COL4A3: variants seen among roughly 807,000 people sequenced by gnomAD.
COL4A3 encodes the protein collagen type IV alpha 3 chain, also known as collagen alpha-3(IV) chain.
In COL4A3, 135 loss-of-function variants were observed where a neutral mutation model predicts 217.4. The observed-to-expected ratio is 0.62, with a 90% CI of 0.54 to 0.72. The LOEUF is 0.72. Ranked by LOEUF, COL4A3 falls within the 30% of genes least tolerant of loss-of-function variation. The probability of loss-of-function intolerance (pLI) is 0.00; values close to 1 mark genes in which losing one functional copy is unlikely to be tolerated. For missense variants in COL4A3, 1,868 were observed against 2,119.9 expected (o/e 0.88, Z 2.33); for synonymous variants, 690 against 736.3 (o/e 0.94, Z 1.02).
intron 3 of COL4A3, 40 bp downstream of exon 3, chr2:227,240,272 TA>T (rs2068945720): frequency 1.3e-6 from 2 of 1,555,426 alleles, no homozygotes; most frequent in Admixed American, 3.7e-5. Flanking sequence ...CCAACCCACC[TA>T]ACCCTCTTCC....
chr2:227,254,525 T>A (rs2070026774), intron 14 of COL4A3, 131 bp from the exon 15 acceptor site: 1 of 777,802 alleles, frequency 1.3e-6, no homozygotes, highest in Non-Finnish European at 2.2e-6. Flanking sequence ...ATAAGATTTC[T>A]CTCTTAGATG....
chr2:227,264,332 T>C (rs1451306982), intron 21 of COL4A3, among the ~76,000 whole-genome samples: 3 of 151,876 alleles, frequency 2.0e-5, no homozygotes, highest in Non-Finnish European at 4.4e-5. Flanking sequence ...GTCAAAGATT[T>C]CCCCCCAAGA....
At chr2:227,197,429 G>T (rs1013036556) in intron 1 of COL4A3, among the ~76,000 whole-genome samples, 2 of 151,882 alleles carry the variant, frequency 1.3e-5, no homozygotes, top group Non-Finnish European at 2.9e-5. Flanking sequence ...TATACATCTA[G>T]GTTTGTATAA....
intron 1 of COL4A3, among the ~76,000 whole-genome samples, chr2:227,167,725 A>C (rs1014191659): frequency 1.3e-5 from 2 of 152,194 alleles, no homozygotes; most frequent in African/African-American, 2.4e-5. Flanking sequence ...TGGAACAGAC[A>C]CCAACTTATC....
intron 8 of COL4A3, 47 bp from the exon 9 acceptor site, chr2:227,248,396 T>C: frequency 8.0e-7 from 1 of 1,252,456 alleles, no homozygotes; most frequent in East Asian, 2.3e-5. Flanking sequence ...GAAGGGGTTT[T>C]GAAAATATAA....
At chr2:227,290,539 T>C (rs2072629428) in intron 36 of COL4A3, among the ~76,000 whole-genome samples, 1 of 151,906 alleles carries the variant, frequency 6.6e-6, no homozygotes, top group South Asian at 2.1e-4. Flanking sequence ...GATTTCCTAT[T>C]AGACAAATAC....
At chr2:227,284,064 G>T (rs2072162091) in intron 33 of COL4A3, 147 bp from the exon 34 acceptor site, 6 of 1,141,600 alleles carry the variant, frequency 5.3e-6, no homozygotes, top group Non-Finnish European at 6.3e-6. Flanking sequence ...GAGGCTGCCT[G>T]CCTGGGGAAA....
chr2:227,228,486 C>T (rs2068220439), intron 1 of COL4A3: 1 of 152,248 alleles, frequency 6.6e-6, no homozygotes, highest in Non-Finnish European at 1.5e-5. Flanking sequence ...CAGACCTGCT[C>T]AGTAGGGTGT....
rs758527772 is a variant in COL4A3, at chr2:227,283,788, T to C, written c.2678T>C (p.Met893Thr). Residue 893 changes from methionine (M) to threonine (T), a missense_variant, in exon 33 of 52, where the codon ATG becomes ACG. Met to Thr is a moderately conservative substitution (Grantham distance 81). Transcript: ENST00000396578. ...GPPGEDGVIG[M>T]MGFPGAIGPP... ...ATAGGTGAAGATGGAGTGATTGGGA[T>C]GATGGGCTTTCCTGGAGCCATTGGC... is the stretch of plus-strand genomic sequence containing the variant. 1.9e-6 allele frequency: 3 copies of C among 1,614,206 alleles called. No individual in the cohort carries two copies. In the East Asian group the frequency reaches 6.7e-5, roughly 36 times the overall value.
chr2:227,280,291 C>T (rs2071872057), intron 29 of COL4A3, 149 bp from the exon 30 acceptor site: 9 of 779,512 alleles, frequency 1.2e-5, no homozygotes, highest in Non-Finnish European at 1.9e-5. Context: ...CATAATCTTA[C>T]AGAAAAGTCA....
chr2:227,293,406 T>C, intron 38 of COL4A3, 89 bp downstream of exon 38: 1 of 1,445,020 alleles, frequency 6.9e-7, no homozygotes, highest in East Asian at 2.3e-5. Flanking sequence ...GAAAGCTATT[T>C]ATACTTTTAT....
chr2:227,222,708 C>G (rs2067877968), intron 1 of COL4A3: 1 of 152,192 alleles, frequency 6.6e-6, no homozygotes, highest in Non-Finnish European at 1.5e-5. Flanking sequence ...ATCAGCAAAA[C>G]TCAGCCAAGC....
intron 1 of COL4A3, among the ~76,000 whole-genome samples, chr2:227,213,914 A>AAAAAAAG (rs2067425351): frequency 6.8e-6 from 1 of 146,172 alleles, no homozygotes; most frequent in African/African-American, 2.6e-5. Flanking sequence ...AAAAAAAAAA[A>AAAAAAAG]AAAAAGAAAA....
At chr2:227,197,670 G>C (rs1484586236) in intron 1 of COL4A3, among the ~76,000 whole-genome samples, 1 of 152,082 alleles carries the variant, frequency 6.6e-6, no homozygotes, top group Non-Finnish European at 1.5e-5. Flanking sequence ...GAAAGCATTT[G>C]GGAAAACTTC....
chr2:227,205,651 T>C (rs1010069425), intron 1 of COL4A3, among the ~76,000 whole-genome samples: 1 of 152,072 alleles, frequency 6.6e-6, no homozygotes, highest in East Asian at 1.9e-4. Context: ...AATAATAGTA[T>C]TACATTCCTT....
intron 1 of COL4A3, among the ~76,000 whole-genome samples, chr2:227,219,002 C>CA (rs535093190): frequency 6.8e-6 from 1 of 147,962 alleles, no homozygotes; most frequent in East Asian, 2.0e-4. Context: ...CCCATTATTT[C>CA]TTTTTTTTTT....
intron 23 of COL4A3, among the ~76,000 whole-genome samples, 172 bp downstream of exon 23, chr2:227,267,260 G>T (rs1274977789): frequency 1.3e-5 from 2 of 152,166 alleles, no homozygotes; most frequent in East Asian, 1.9e-4. Flanking sequence ...TCCAAGAAAA[G>T]CTGGTATTTT....
At chr2:227,251,394 T>G in intron 11 of COL4A3, 23 bp downstream of exon 11, 3 of 1,610,026 alleles carry the variant, frequency 1.9e-6, no homozygotes, top group Non-Finnish European at 2.5e-6. Context: ...TCATATGATG[T>G]AACAGCTAGC....
intron 1 of COL4A3, among the ~76,000 whole-genome samples, chr2:227,166,279 T>C (rs771506524): frequency 2.6e-5 from 4 of 152,342 alleles, no homozygotes; most frequent in Middle Eastern, 3.4e-3. Flanking sequence ...CCAGACCAGG[T>C]ATTTAAATGC....
Sources: allele counts gnomAD v4.1 joint callset (sites outside exome capture counted in the v4.1 genomes callset), GRCh38; gene constraint gnomAD v4.1.1; transcripts MANE v1.5; gene names NCBI Gene and HGNC (gene_info 2026-07-23, HGNC 2026-07-21).